The following ANO4 variants were observed in gnomAD, a reference collection of about 807,000 sequenced individuals.
The protein encoded by ANO4 is anoctamin 4.
ANO4 carries 69 observed loss-of-function variants against 141.9 expected under a neutral mutation model. That is an observed-to-expected ratio of 0.49 (90% CI 0.40 to 0.59). The LOEUF (loss-of-function observed/expected upper bound fraction) is 0.59, where lower values mean the gene tolerates loss of function less well. Ranked by LOEUF, ANO4 falls within the 20% of genes least tolerant of loss-of-function variation. The probability of loss-of-function intolerance (pLI) is 0.00; values close to 1 mark genes in which losing one functional copy is unlikely to be tolerated. For synonymous variants in ANO4, 350 were observed against 394.3 expected (o/e 0.89, Z 1.33); for missense variants, 894 against 1,162.2 (o/e 0.77, Z 3.36).
At chr12:101,062,955 C>G (rs2048412341) in intron 14 of ANO4, among the ~76,000 whole-genome samples, 1 of 152,222 alleles carries the variant, frequency 6.6e-6, no homozygotes, top group Admixed American at 6.5e-5. Flanking sequence ...CTACAACTAG[C>G]TTGGTGTCTG....
At chr12:101,120,445 T>C in intron 25 of ANO4, 75 bp from the exon 26 acceptor site, 9 of 1,282,738 alleles carry the variant, frequency 7.0e-6, no homozygotes, top group Non-Finnish European at 1.0e-5. Flanking sequence ...ATGAGGACTA[T>C]ATAATGAGAA....
intron 1 of ANO4, among the ~76,000 whole-genome samples, chr12:100,837,720 TAAA>T (rs66789704): frequency 0.2 from 24,920 of 122,458 alleles, 2,401 homozygotes; most frequent in Middle Eastern, 0.3. Flanking sequence ...ACCTTGTCTC[TAAA>T]AAAAAAAAAA....
intron 5 of ANO4, 144 bp from the exon 6 acceptor site, chr12:100,971,162 G>A (rs938686001): frequency 9.1e-5 from 43 of 470,086 alleles, no homozygotes; most frequent in Non-Finnish European, 1.5e-4. Flanking sequence ...ATGAATACTT[G>A]CACTTGTAAG....
chr12:101,011,591 C>T (rs1242168847), intron 8 of ANO4, among the ~76,000 whole-genome samples: 1 of 152,082 alleles, frequency 6.6e-6, no homozygotes, highest in Non-Finnish European at 1.5e-5. Flanking sequence ...ACAATTCCAA[C>T]ACATGGTGAT....
At chr12:100,882,684 G>T (rs919865179) in intron 1 of ANO4, among the ~76,000 whole-genome samples, 10 of 148,638 alleles carry the variant, frequency 6.7e-5, no homozygotes, top group Non-Finnish European at 9.0e-5. Flanking sequence ...TGTTTTTTTT[G>T]TTTGTTTTTT....
intron 3 of ANO4, among the ~76,000 whole-genome samples, chr12:100,924,758 A>G (rs2041790975): frequency 1.3e-5 from 2 of 152,082 alleles, no homozygotes; most frequent in Admixed American, 1.3e-4. Flanking sequence ...TTTTCAATAA[A>G]TGATAAAAGT....
At position 100,907,081 on chromosome 12, in the gene ANO4, T is replaced by C. The variant is rs1254971149; in HGVS notation, c.55+5241T>C. ...AAGGTTCTCCTCCAGAGAGGATAATTAGCATCAGCCTTCCTCTTCTTAAAA... is the reference window on the plus strand; with the variant it reads ...AAGGTTCTCCTCCAGAGAGGATAATCAGCATCAGCCTTCCTCTTCTTAAAA... On this transcript the variant is annotated intron_variant, in intron 2 of 27. Coordinates refer to ENST00000392977, the MANE Select transcript of ANO4 (RefSeq NM_001286615.2). 3.3e-5 allele frequency among the ~76,000 whole-genome samples: 5 copies of C among 152,180 alleles called. No individual in the cohort carries two copies. In the South Asian group the frequency reaches 8.3e-4, roughly 25 times the overall value.
chr12:101,031,810 C>T (rs2046988275), intron 9 of ANO4, among the ~76,000 whole-genome samples: 1 of 152,116 alleles, frequency 6.6e-6, no homozygotes, highest in East Asian at 1.9e-4. Context: ...AGAGCCAAAT[C>T]ATGAATTAAT....
At chr12:101,074,267 A>G (rs1303664933) in intron 14 of ANO4, among the ~76,000 whole-genome samples, 1 of 152,212 alleles carries the variant, frequency 6.6e-6, no homozygotes, top group Non-Finnish European at 1.5e-5. Flanking sequence ...TCCACTCCAC[A>G]TGGTCACTCA....
At chr12:101,093,419 C>A (rs2136934383) in intron 17 of ANO4, among the ~76,000 whole-genome samples, 1 of 152,264 alleles carries the variant, frequency 6.6e-6, no homozygotes, top group East Asian at 1.9e-4. Flanking sequence ...CCAGCCTGGG[C>A]AATTTTAACC....
intron 5 of ANO4, among the ~76,000 whole-genome samples, chr12:100,952,957 A>G (rs938266705): frequency 6.6e-6 from 1 of 152,200 alleles, no homozygotes; most frequent in South Asian, 2.1e-4. Context: ...TTCAGTCAAG[A>G]CAGACCAACT....
chr12:101,003,388 A>G (rs2045732925), intron 8 of ANO4, among the ~76,000 whole-genome samples: 1 of 152,250 alleles, frequency 6.6e-6, no homozygotes, highest in South Asian at 2.1e-4. Flanking sequence ...TGTGGCATAT[A>G]TCACATATCC....
intron 2 of ANO4, among the ~76,000 whole-genome samples, chr12:100,919,919 T>C (rs116540493): frequency 6.6e-6 from 1 of 152,142 alleles, no homozygotes; most frequent in African/African-American, 2.4e-5. Context: ...CTTTTGTGTC[T>C]TATACTTCTA....
intron 3 of ANO4, among the ~76,000 whole-genome samples, chr12:100,778,669 G>T (rs1210358989): frequency 6.6e-6 from 1 of 152,112 alleles, no homozygotes. Context: ...TACCTCTCTT[G>T]CCCAAAGTTC....
rs763949654 is a variant in ANO4, at chr12:100,806,524, G to GTTTTTTTTTTTTTTTTTTTT, written c.-141+11514_-141+11533dup. On this transcript the variant is annotated intron_variant, in intron 1 of 27. Transcript: ENST00000392977. ...TTTTAGGAGGTTTTTTTTTTGTTTCGTTTTTTTTTTTTTTTTTTTTTTTTT... is the reference window on the plus strand; with the variant it reads ...TTTTAGGAGGTTTTTTTTTTGTTTCGTTTTTTTTTTTTTTTTTTTTTTTTTTTTTTTTTTTTTTTTTTTTT... 8.0e-4 allele frequency among the ~76,000 whole-genome samples: 48 copies of GTTTTTTTTTTTTTTTTTTTT among 59,880 alleles called. 11 individuals are homozygous for GTTTTTTTTTTTTTTTTTTTT. The highest frequency in any genetic ancestry group is 2.9e-3 in the South Asian group (4 of 1,382). The allele number at this position is 59,880 out of a possible 152,430, so 39.3% of individuals were successfully genotyped here.
intron 14 of ANO4, among the ~76,000 whole-genome samples, chr12:101,064,660 TATTATAATAATAATAATAATA>T (rs2048497680): frequency 8.2e-6 from 1 of 122,376 alleles, no homozygotes; most frequent in African/African-American, 3.3e-5. Context: ...GAACTTAAAG[TATTATAATAATAATAATAATA>T]ATAATAATAA....
At chr12:101,016,134 G>C (rs1691252819) in intron 8 of ANO4, among the ~76,000 whole-genome samples, 1 of 152,110 alleles carries the variant, frequency 6.6e-6, no homozygotes, top group Non-Finnish European at 1.5e-5. Context: ...CCTGTGTTAG[G>C]TTATTTGCAT....
intron 25 of ANO4, among the ~76,000 whole-genome samples, chr12:101,119,003 T>G (rs1468110094): frequency 1.3e-5 from 2 of 151,966 alleles, no homozygotes; most frequent in Non-Finnish European, 2.9e-5. Flanking sequence ...TTGCTGAGAA[T>G]GATGGTTTCC....
intron 8 of ANO4, among the ~76,000 whole-genome samples, chr12:101,007,432 A>T (rs1198969137): frequency 2.0e-5 from 3 of 152,230 alleles, no homozygotes; most frequent in Non-Finnish European, 4.4e-5. Context: ...CATCATGTGT[A>T]TGTAACCACA....
Sources: allele counts gnomAD v4.1 joint callset (sites outside exome capture counted in the v4.1 genomes callset), GRCh38; gene constraint gnomAD v4.1.1; transcripts MANE v1.5; gene names NCBI Gene and HGNC (gene_info 2026-07-23, HGNC 2026-07-21).